Variants in PLEKHB1 observed in about 807,000 individuals in gnomAD.
The protein encoded by PLEKHB1 is pleckstrin homology domain containing B1.
A neutral mutation model predicts 36.2 loss-of-function variants in PLEKHB1; 29 were observed. The ratio of observed to expected loss-of-function variants is 0.80; its 90% CI spans 0.60 to 1.09. The LOEUF (loss-of-function observed/expected upper bound fraction) is 1.09. Among genes scored for constraint, PLEKHB1 ranks in the 50% least tolerant of loss-of-function variants. PLEKHB1 has a pLI of 0.00. For synonymous variants in PLEKHB1, 138 were observed against 140.0 expected, an observed-to-expected ratio of 0.99 and a Z score of 0.10; for missense variants, 330 against 348.2, an observed-to-expected ratio of 0.95 and a Z score of 0.42.
At position 73,662,698 on chromosome 11, in the gene PLEKHB1, C is replaced by T. The variant is rs1464618027; in HGVS notation, c.*1096C>T. 1 of 152,266 alleles carries T rather than the reference C, an allele frequency of 6.6e-6. No individual in the cohort carries two copies. Among genetic ancestry groups the T allele is most frequent in the Non-Finnish European group, 1.5e-5 (1 of 68,080 alleles). 9.4% of individuals were successfully genotyped at this position (152,266 alleles called of 1,614,324 possible). On this transcript the variant is annotated 3_prime_UTR_variant, in exon 8 of 8. Transcript: ENST00000354190. ...TCTTCCCCCTTTCTATCCCAATCAC[C>T]AATAGAAATGCTAACATCCCTGCCT... is the stretch of plus-strand genomic sequence containing the variant.
In PLEKHB1 at chr11:73,649,034, A is replaced by G; in HGVS notation, c.41A>G (p.Glu14Gly). The G allele has an allele frequency of 6.2e-7, 1 of 1,600,326 alleles. No individual in the cohort carries two copies. The highest frequency in any genetic ancestry group is 8.5e-7 in the Non-Finnish European group (1 of 1,173,576). Residue 14 changes from glutamate (E) to glycine (G), a missense_variant, in exon 2 of 8, where the codon GAA becomes GGA. Transcript: ENST00000354190. ...CAGGTCCCGCCTGACTCCGCTCTGG[A>G]AAGTCCTTTTGAAGAAATGGCCCTG... ...AAPVPPDSAL[E>G]SPFEEMALVR... is the part of the protein sequence containing the mutation.
Position 73,649,105 on chromosome 11 carries a change from C to T in PLEKHB1, c.94+18C>T, listed in dbSNP as rs1287714295. The T allele has an allele frequency of 6.3e-7, 1 of 1,582,350 alleles. No individual in the cohort carries two copies. The highest frequency in any genetic ancestry group is 8.6e-7 in the Non-Finnish European group (1 of 1,163,804). On this transcript the variant is annotated intron_variant, in intron 2 of 7. Coordinates refer to ENST00000354190, the MANE Select transcript of PLEKHB1 (RefSeq NM_021200.3). Reference sequence around the variant, plus strand: ...GAGACAGAGTGAGTGATCCTGGGCCCCTGGTCCTGGGGCAGGGTGAAGGAA... The same window carrying T: ...GAGACAGAGTGAGTGATCCTGGGCCTCTGGTCCTGGGGCAGGGTGAAGGAA...
chr11:73,650,387 T>G (rs1590789581), intron 2 of PLEKHB1, 166 bp from the exon 3 acceptor site: 1 of 698,156 alleles, frequency 1.4e-6, no homozygotes, highest in Non-Finnish European at 2.3e-6. Flanking sequence ...AGGCAGGAGG[T>G]GAACAAGACA....
chr11:73,653,228 C>A, intron 5 of PLEKHB1: 1 of 651,456 alleles, frequency 1.5e-6, no homozygotes, highest in South Asian at 1.7e-5. Context: ...TGGAGATTTG[C>A]TGGAGGGAGT....
chr11:73,661,404 G>T lies in PLEKHB1; in HGVS notation c.596-62G>T. ...GTTGGGCTGGAGTGATGCAGGAAGGGTACGAAGATCACTCTACTCCCTCCT... is the reference window on the plus strand; with the variant it reads ...GTTGGGCTGGAGTGATGCAGGAAGGTTACGAAGATCACTCTACTCCCTCCT... On this transcript the variant is annotated intron_variant, in intron 7 of 7. Transcript: ENST00000354190. The surrounding 1 kb of genome is among the most constrained non-coding windows in gnomAD (Gnocchi z 4.6). 1 of 1,580,142 alleles carries T rather than the reference G, an allele frequency of 6.3e-7. No individual in the cohort carries two copies. The highest frequency in any genetic ancestry group is 8.7e-7 in the Non-Finnish European group (1 of 1,151,238).
At chr11:73,651,452 G>C (rs1352664826) in intron 3 of PLEKHB1, 2 of 516,898 alleles carry the variant, frequency 3.9e-6, no homozygotes, top group Non-Finnish European at 7.5e-6. Flanking sequence ...TGCCCTCCAG[G>C]CGCTCGGTAC....
chr11:73,651,157 C>A (rs1271925693), intron 3 of PLEKHB1, among the ~76,000 whole-genome samples: 1 of 151,734 alleles, frequency 6.6e-6, no homozygotes, highest in Non-Finnish European at 1.5e-5. Flanking sequence ...CAAGACCAGC[C>A]TGGGCAACAT....
chr11:73,653,117 T>C (rs1944930949), intron 5 of PLEKHB1, 103 bp downstream of exon 5: 3 of 1,235,076 alleles, frequency 2.4e-6, no homozygotes, highest in South Asian at 1.4e-5. Context: ...CTCAGTCTTA[T>C]GTGGATAGGT....
At chr11:73,647,866 G>A (rs1944798841) in intron 1 of PLEKHB1, 1 of 979,356 alleles carries the variant, frequency 1.0e-6, no homozygotes, top group Admixed American at 6.2e-5. Context: ...TTCCAGCCCA[G>A]GTGTGCCAGC....
At chr11:73,657,210 C>T (rs188342873) in intron 6 of PLEKHB1, among the ~76,000 whole-genome samples, 5 of 152,202 alleles carry the variant, frequency 3.3e-5, no homozygotes, top group Admixed American at 6.5e-5. Context: ...GCCTGGGCCA[C>T]CAAATTGTAT....
At chr11:73,659,640 G>A (rs912121442) in intron 6 of PLEKHB1, among the ~76,000 whole-genome samples, 2 of 107,070 alleles carry the variant, frequency 1.9e-5, no homozygotes, top group African/African-American at 5.5e-5. Flanking sequence ...ACAGAATTCA[G>A]GGAAAAAAAA....
rs1346844080 is a variant in PLEKHB1, at chr11:73,661,034, C to G, written c.595+182C>G. 1 of 652,492 alleles carries G rather than the reference C, an allele frequency of 1.5e-6. No individual in the cohort carries two copies. Among genetic ancestry groups the G allele is most frequent in the Non-Finnish European group, 2.7e-6 (1 of 376,986 alleles). The allele number at this position is 652,492 out of a possible 1,614,324, so 40.4% of individuals were successfully genotyped here. A position where few individuals can be genotyped will look rare whatever the true frequency, so the allele number is the denominator to read the frequency against. ...CTGGGAGAGCTCTGGAACCAGCGTT[C>G]GTCTCGAGCTGACCTCACCCTTCTG... On this transcript the variant is annotated intron_variant, in intron 7 of 7. Coordinates refer to ENST00000354190, the MANE Select transcript of PLEKHB1 (RefSeq NM_021200.3). The surrounding 1 kb of genome is among the most constrained non-coding windows in gnomAD (Gnocchi z 4.6).
chr11:73,647,603 G>A, intron 1 of PLEKHB1: 1 of 985,458 alleles, frequency 1.0e-6, no homozygotes, highest in Non-Finnish European at 1.2e-6. Flanking sequence ...GGGCAGCTGG[G>A]CTCTCAGGCG....
rs1945127100 is a variant in PLEKHB1 at position 73,661,665 on chromosome 11, C to A, written c.*63C>A. 2 of 1,512,262 alleles carry A rather than the reference C, an allele frequency of 1.3e-6. No individual in the cohort carries two copies. The highest frequency in any genetic ancestry group is 1.8e-6 in the Non-Finnish European group (2 of 1,135,514). The allele number at this position is 1,512,262 out of a possible 1,614,324, so 93.7% of individuals were successfully genotyped here. A position where few individuals can be genotyped will look rare whatever the true frequency, so the allele number is the denominator to read the frequency against. On this transcript the variant is annotated 3_prime_UTR_variant, in exon 8 of 8. Coordinates refer to ENST00000354190, the MANE Select transcript of PLEKHB1 (RefSeq NM_021200.3). The surrounding 1 kb of genome is among the most constrained non-coding windows in gnomAD (Gnocchi z 4.6). ...TGCTAGACTCCTCTTCCTCCTGGAC[C>A]CCATCCTCTACCATCCAAGCCCTGT...
intron 2 of PLEKHB1, among the ~76,000 whole-genome samples, chr11:73,649,394 G>A (rs1343562251): frequency 6.6e-6 from 1 of 152,044 alleles, no homozygotes; most frequent in East Asian, 1.9e-4. Flanking sequence ...GGTTTTCACG[G>A]CGCCTTACAG....
chr11:73,653,582 T>C, intron 5 of PLEKHB1: 1 of 403,304 alleles, frequency 2.5e-6, no homozygotes, highest in Non-Finnish European at 5.0e-6. Flanking sequence ...AGATTTGCAG[T>C]GTCTGGCCCT....
intron 5 of PLEKHB1, 29 bp downstream of exon 5, chr11:73,653,043 C>A: frequency 6.3e-7 from 1 of 1,595,434 alleles, no homozygotes; most frequent in Non-Finnish European, 8.6e-7. Context: ...CCCCCTTTCC[C>A]CACCACCTCC....
In PLEKHB1 at chr11:73,660,826, G is replaced by A. The variant is rs894207800; in HGVS notation, c.569G>A (p.Arg190His). Residue 190 changes from arginine to histidine, a missense_variant, in exon 7 of 8, where the codon CGC (arginine) becomes CAC (histidine). Physicochemically the swap from Arg to His is conservative, Grantham distance 29 (BLOSUM62 0). Transcript: ENST00000354190. ...PPNAHEATYV[R>H]SYYGPPYAGP... Reference sequence around the variant, plus strand: ...AATGCACACGAGGCCACGTATGTCCGCAGCTACTACGGACCGCCCTACGCA... The same window carrying A: ...AATGCACACGAGGCCACGTATGTCCACAGCTACTACGGACCGCCCTACGCA... The A allele has an allele frequency of 6.3e-7, 1 of 1,597,766 alleles. No homozygotes were observed. Among genetic ancestry groups the A allele is most frequent in the Non-Finnish European group, 8.5e-7 (1 of 1,173,906 alleles).
intron 6 of PLEKHB1, among the ~76,000 whole-genome samples, chr11:73,656,548 T>C (rs1383005469): frequency 6.6e-6 from 1 of 152,160 alleles, no homozygotes; most frequent in Non-Finnish European, 1.5e-5. Context: ...TACTACTACA[T>C]AGTCTAATTT....
Sources: gnomAD v4.1 joint callset for allele counts (sites outside exome capture counted in the v4.1 genomes callset) on GRCh38, gnomAD v4.1.1 for gene constraint, Gnocchi (gnomAD v3.1) non-coding constraint, MANE v1.5 for transcripts, NCBI Gene and HGNC (gene_info 2026-07-23, HGNC 2026-07-21) for gene names.